OR3A2: variants seen among roughly 807,000 people sequenced by gnomAD.
OR3A2 encodes olfactory receptor 3A2.
For synonymous variants in OR3A2, 126 were observed against 159.3 expected (o/e 0.79, Z 1.57); for missense variants, 318 against 392.8 (o/e 0.81, Z 1.61).
At chr17:3,326,027 G>A (rs1214151824) in intron 3 of OR3A2, among the ~76,000 whole-genome samples, 2 of 152,038 alleles carry the variant, frequency 1.3e-5, no homozygotes, top group Non-Finnish European at 2.9e-5. Flanking sequence ...GCTTATAAGT[G>A]AGAACATGAG....
rs191470972 is a variant in OR3A2 at position 3,341,958 on chromosome 17, C to T, written c.-178-5832G>A. Among the ~76,000 whole-genome samples, 50 of 152,218 alleles carry T rather than the reference C, an allele frequency of 3.3e-4. No individual in the cohort carries two copies. In the East Asian group the frequency reaches 7.7e-3, roughly 23 times the overall value. On this transcript the variant is annotated intron_variant, in intron 2 of 4. Coordinates refer to the OR3A2 transcript ENST00000573491. ...TCCCATATTTCTTGAAGGCTTTGTT[C>T]GTTTCTTTTTACTCTTTTTTCTCTA...
intron 3 of OR3A2, among the ~76,000 whole-genome samples, chr17:3,316,333 G>T (rs2150633448): frequency 6.6e-6 from 1 of 152,268 alleles, no homozygotes; most frequent in South Asian, 2.1e-4. Context: ...GAACTGTTGA[G>T]TACATCCACG....
chr17:3,371,879 A>AC (rs1187351311), intron 2 of OR3A2, among the ~76,000 whole-genome samples: 47 of 106,434 alleles, frequency 4.4e-4, no homozygotes, highest in African/African-American at 1.8e-3. Flanking sequence ...AGGGGAGCTG[A>AC]CCCCCCCACC....
At chr17:3,339,764 A>C (rs530100014) in intron 2 of OR3A2, among the ~76,000 whole-genome samples, 1 of 152,052 alleles carries the variant, frequency 6.6e-6, no homozygotes, top group Admixed American at 6.6e-5. Flanking sequence ...CAGGCTTTGG[A>C]ATCAGGATGA....
At chr17:3,332,177 C>T (rs1435147439) in intron 3 of OR3A2, among the ~76,000 whole-genome samples, 1 of 152,248 alleles carries the variant, frequency 6.6e-6, no homozygotes, top group Non-Finnish European at 1.5e-5. Flanking sequence ...TGTCTGTGCC[C>T]TGCCCCCAGA....
At chr17:3,372,908 G>T (rs1295234303) in intron 2 of OR3A2, among the ~76,000 whole-genome samples, 1 of 147,074 alleles carries the variant, frequency 6.8e-6, no homozygotes, top group Non-Finnish European at 1.5e-5. Context: ...AGAGGGAGAG[G>T]GCTCTTTAGG....
chr17:3,361,942 G>C (rs1364887290), intron 2 of OR3A2, among the ~76,000 whole-genome samples: 5 of 151,650 alleles, frequency 3.3e-5, no homozygotes, highest in African/African-American at 1.2e-4. Flanking sequence ...AAATGAGTTA[G>C]GGTGGATTCC....
In OR3A2 at chr17:3,367,601, G is replaced by GTATATATATTA. The variant is rs1555530076; in HGVS notation, c.-179+16202_-179+16203insTAATATATATA. Among the ~76,000 whole-genome samples, 42 of 122,538 alleles carry GTATATATATTA rather than the reference G, an allele frequency of 3.4e-4. 1 individual carries two copies. The highest frequency in any genetic ancestry group is 7.5e-4 in the Admixed American group (9 of 12,040). 80.4% of individuals were successfully genotyped at this position (122,538 alleles called of 152,430 possible). On this transcript the variant is annotated intron_variant, in intron 2 of 4. Transcript: ENST00000573491. Reference sequence around the variant, plus strand: ...TGTATATGTATATGTGTGTGTGTGTGTATATATATATATATATATATGCCA... The same window carrying GTATATATATTA: ...TGTATATGTATATGTGTGTGTGTGTGTATATATATTATATATATATATATATATATATGCCA...
chr17:3,373,972 C>T (rs891959980), intron 2 of OR3A2, among the ~76,000 whole-genome samples: 2 of 152,172 alleles, frequency 1.3e-5, no homozygotes, highest in Admixed American at 1.3e-4. Flanking sequence ...CTCCTTTTAG[C>T]ATTTCTTGTA....
intron 3 of OR3A2, among the ~76,000 whole-genome samples, chr17:3,329,581 G>A (rs1252621890): frequency 0.013 from 1,786 of 136,452 alleles, 47 homozygotes; most frequent in African/African-American, 0.047. Flanking sequence ...TTTTTATTGC[G>A]TCTATTTGAT....
At chr17:3,342,341 G>A (rs758721884) in intron 2 of OR3A2, among the ~76,000 whole-genome samples, 1 of 152,224 alleles carries the variant, frequency 6.6e-6, no homozygotes, top group Non-Finnish European at 1.5e-5. Flanking sequence ...TGGAGGAGAA[G>A]AGGAGCTCTG....
intron 3 of OR3A2, among the ~76,000 whole-genome samples, chr17:3,308,710 C>T (rs936925097): frequency 6.6e-6 from 1 of 152,074 alleles, no homozygotes; most frequent in African/African-American, 2.4e-5. Flanking sequence ...AAAGGCCATA[C>T]TATTAGATGG....
intron 3 of OR3A2, among the ~76,000 whole-genome samples, chr17:3,316,559 T>G (rs1444939662): frequency 6.6e-6 from 1 of 152,230 alleles, no homozygotes; most frequent in Non-Finnish European, 1.5e-5. Context: ...ATAGCAATAT[T>G]TACAAAGCAA....
intron 3 of OR3A2, chr17:3,292,130 G>C (rs889101852): frequency 1.2e-6 from 2 of 1,614,050 alleles, no homozygotes; most frequent in Non-Finnish European, 1.7e-6. Context: ...CACAAGCCCA[G>C]GACGCAGCCA....
chr17:3,346,652 T>A (rs1385186030), intron 2 of OR3A2, among the ~76,000 whole-genome samples: 1 of 152,162 alleles, frequency 6.6e-6, no homozygotes, highest in East Asian at 1.9e-4. Context: ...CATGGTTTTT[T>A]TTTTTGTACC....
At chr17:3,342,820 C>G (rs1035651312) in intron 2 of OR3A2, among the ~76,000 whole-genome samples, 12 of 152,224 alleles carry the variant, frequency 7.9e-5, no homozygotes, top group African/African-American at 2.9e-4. Context: ...TCAGAGCTGT[C>G]AGACAGGGAC....
At chr17:3,276,958 C>G (rs1254529224), downstream of OR3A2, 1 of 140,242 alleles carries the variant, frequency 7.1e-6, no homozygotes, top group Non-Finnish European at 1.5e-5. Context: ...GAGTCTTGCT[C>G]TGTCGCCCAG....
rs1173562004 is a variant in OR3A2 at position 3,282,125 on chromosome 17, G to A, written c.-7+2233C>T. 2.0e-5 allele frequency among the ~76,000 whole-genome samples: 3 copies of A among 152,118 alleles called. No homozygotes were observed. The East Asian group carries it at 5.8e-4, about 29-fold the overall frequency. On this transcript the variant is annotated intron_variant, in intron 1 of 1. Transcript: ENST00000642052. The stretch of plus-strand genomic sequence containing the variant: ...TCCTCCACCTACGCTTAGAATCAAG[G>A]TAATCTCAGCCAGGTGCAGTGGCTC...
At chr17:3,322,854 T>A (rs928893528) in intron 3 of OR3A2, among the ~76,000 whole-genome samples, 1 of 152,170 alleles carries the variant, frequency 6.6e-6, no homozygotes, top group Non-Finnish European at 1.5e-5. Context: ...TTCTGTTGAT[T>A]TGGGGTGGAG....
Sources: gnomAD v4.1 joint callset for allele counts (sites outside exome capture counted in the v4.1 genomes callset) on GRCh38, gnomAD v4.1.1 for gene constraint, MANE v1.5 for transcripts, NCBI Gene and HGNC (gene_info 2026-07-23, HGNC 2026-07-21) for gene names.